ROBO2: variants seen among roughly 807,000 people sequenced by gnomAD.
The protein encoded by ROBO2 is roundabout guidance receptor 2.
ROBO2 carries 53 observed loss-of-function variants against 160.8 expected under a neutral mutation model. The ratio of observed to expected loss-of-function variants is 0.33; its 90% CI spans 0.26 to 0.41. The LOEUF (loss-of-function observed/expected upper bound fraction) is 0.41. ROBO2 is among the 10% of genes least tolerant of loss of function. The pLI, the probability that ROBO2 is intolerant of heterozygous loss-of-function variation, is 1.00. For synonymous variants in ROBO2, 664 were observed against 611.7 expected, an observed-to-expected ratio of 1.09 and a Z score of -1.26; for missense variants, 1,577 against 1,722.4, an observed-to-expected ratio of 0.92 and a Z score of 1.49.
intron 2 of ROBO2, among the ~76,000 whole-genome samples, chr3:76,559,162 C>T (rs2083997763): frequency 6.6e-6 from 1 of 152,126 alleles, no homozygotes; most frequent in African/African-American, 2.4e-5. Context: ...AGATACCACA[C>T]ATTTTTGTTC....
At chr3:76,155,373 G>C (rs2072367189) in intron 2 of ROBO2, among the ~76,000 whole-genome samples, 1 of 152,026 alleles carries the variant, frequency 6.6e-6, no homozygotes, top group South Asian at 2.1e-4. Flanking sequence ...CCGTGAGAAT[G>C]CAAATCAGCA....
At chr3:76,384,483 T>C (rs556722681) in intron 2 of ROBO2, among the ~76,000 whole-genome samples, 1 of 152,210 alleles carries the variant, frequency 6.6e-6, no homozygotes, top group African/African-American at 2.4e-5. Flanking sequence ...GAAGGGAGTC[T>C]GTTAAGCTTT....
At chr3:76,383,166 AAG>A (rs1472840040) in intron 2 of ROBO2, among the ~76,000 whole-genome samples, 4 of 152,004 alleles carry the variant, frequency 2.6e-5, no homozygotes, top group African/African-American at 7.2e-5. Flanking sequence ...ATAGAAAAAA[AAG>A]AGAATTTTAA....
chr3:77,368,816 G>A (rs1331072942), intron 2 of ROBO2, among the ~76,000 whole-genome samples: 1 of 152,042 alleles, frequency 6.6e-6, no homozygotes, highest in Non-Finnish European at 1.5e-5. Context: ...AATTTTTAGT[G>A]CTTACTATAA....
chr3:76,534,435 C>T (rs1162484948), intron 2 of ROBO2, among the ~76,000 whole-genome samples: 1 of 152,136 alleles, frequency 6.6e-6, no homozygotes, highest in Non-Finnish European at 1.5e-5. Context: ...ATAGGATTCC[C>T]TGTTGTTAAG....
intron 2 of ROBO2, among the ~76,000 whole-genome samples, chr3:76,854,038 C>A (rs995302728): frequency 1.1e-5 from 1 of 87,956 alleles, no homozygotes; most frequent in Non-Finnish European, 2.4e-5. Flanking sequence ...CTCTCTCTCT[C>A]TCTCTCTCTC....
intron 2 of ROBO2, among the ~76,000 whole-genome samples, chr3:76,920,699 C>G (rs978709110): frequency 2.0e-5 from 3 of 152,190 alleles, no homozygotes; most frequent in African/African-American, 7.2e-5. Flanking sequence ...TGTGAATTCA[C>G]TTTGAAAAGT....
chr3:76,873,573 AGTC>A (rs370380909), intron 2 of ROBO2, among the ~76,000 whole-genome samples: 1 of 151,890 alleles, frequency 6.6e-6, no homozygotes, highest in Non-Finnish European at 1.5e-5. Flanking sequence ...TAGTAGTAGT[AGTC>A]GTCGTCGTCG....
At chr3:77,146,025 A>G (rs2077091730) in intron 2 of ROBO2, among the ~76,000 whole-genome samples, 1 of 152,130 alleles carries the variant, frequency 6.6e-6, no homozygotes, top group African/African-American at 2.4e-5. Flanking sequence ...GCTAAATGTT[A>G]CAGGGTAGAG....
intron 2 of ROBO2, chr3:76,311,538 G>T (rs2107785374): frequency 6.6e-6 from 1 of 152,294 alleles, no homozygotes; most frequent in Middle Eastern, 3.4e-3. Context: ...TTTTATTTCA[G>T]GAAAGGGGGT....
At chr3:76,559,075 G>A (rs1479211555) in intron 2 of ROBO2, among the ~76,000 whole-genome samples, 3 of 151,954 alleles carry the variant, frequency 2.0e-5, no homozygotes, top group Non-Finnish European at 4.4e-5. Flanking sequence ...ATTTACATAC[G>A]GGGCAATTCT....
chr3:77,326,555 G>GT (rs1175001055), intron 2 of ROBO2, among the ~76,000 whole-genome samples: 1 of 152,044 alleles, frequency 6.6e-6, no homozygotes, highest in Non-Finnish European at 1.5e-5. Flanking sequence ...AATCTTTTAT[G>GT]TTTTTTGATT....
chr3:77,437,442 A>G (rs1162542089), intron 2 of ROBO2, among the ~76,000 whole-genome samples: 1 of 151,968 alleles, frequency 6.6e-6, no homozygotes, highest in African/African-American at 2.4e-5. Context: ...TAAACTGTGG[A>G]TTTAAATAGA....
intron 2 of ROBO2, among the ~76,000 whole-genome samples, chr3:77,437,046 T>C (rs973240448): frequency 1.3e-5 from 2 of 152,126 alleles, no homozygotes; most frequent in East Asian, 1.9e-4. Flanking sequence ...ATATGACAAA[T>C]GGAATTCATG....
At chr3:77,101,045 T>C (rs2071847895) in intron 2 of ROBO2, among the ~76,000 whole-genome samples, 1 of 152,178 alleles carries the variant, frequency 6.6e-6, no homozygotes, top group Non-Finnish European at 1.5e-5. Context: ...ATGTGCTGAA[T>C]AAAAATCTAA....
intron 2 of ROBO2, among the ~76,000 whole-genome samples, chr3:75,940,772 A>G (rs1948018146): frequency 1.3e-5 from 2 of 152,188 alleles, no homozygotes; most frequent in Non-Finnish European, 2.9e-5. Context: ...GAATCTAGAT[A>G]AAACTGAACT....
At chr3:77,228,758 A>T (rs2086803940) in intron 2 of ROBO2, among the ~76,000 whole-genome samples, 1 of 152,176 alleles carries the variant, frequency 6.6e-6, no homozygotes, top group Admixed American at 6.5e-5. Context: ...AACTTGCAAG[A>T]TTAAAAAGAA....
chr3:76,701,924 G>A (rs1000259887), intron 2 of ROBO2, among the ~76,000 whole-genome samples: 40 of 151,280 alleles, frequency 2.6e-4, no homozygotes, highest in African/African-American at 5.1e-4. Flanking sequence ...TAGAAATGCC[G>A]CTCTTCATTT....
chr3:77,126,995 T>A (rs1478142871), intron 2 of ROBO2, among the ~76,000 whole-genome samples: 1 of 151,744 alleles, frequency 6.6e-6, no homozygotes, highest in Non-Finnish European at 1.5e-5. Flanking sequence ...TTCACCATGT[T>A]AGCCAGGATG....
Sources: allele counts gnomAD v4.1 joint callset (sites outside exome capture counted in the v4.1 genomes callset), GRCh38; gene constraint gnomAD v4.1.1; transcripts MANE v1.5; gene names NCBI Gene and HGNC (gene_info 2026-07-23, HGNC 2026-07-21).